PLEKHG1: variants seen among roughly 807,000 people sequenced by gnomAD.
PLEKHG1 encodes the protein pleckstrin homology and RhoGEF domain containing G1.
PLEKHG1 carries 44 observed loss-of-function variants against 100.8 expected under a neutral mutation model. The observed-to-expected ratio is 0.44, with a 90% CI of 0.34 to 0.56. PLEKHG1 has a LOEUF of 0.56. Among genes scored for constraint, PLEKHG1 ranks in the 20% least tolerant of loss-of-function variants. The probability of loss-of-function intolerance (pLI) is 0.01; values close to 1 mark genes in which losing one functional copy is unlikely to be tolerated. For synonymous variants in PLEKHG1, 640 were observed against 662.5 expected, an observed-to-expected ratio of 0.97 and a Z score of 0.52; for missense variants, 1,545 against 1,720.9, an observed-to-expected ratio of 0.90 and a Z score of 1.81.
At chr6:150,833,740 C>G (rs1031884275) in intron 15 of PLEKHG1, among the ~76,000 whole-genome samples, 3 of 152,132 alleles carry the variant, frequency 2.0e-5, no homozygotes, top group African/African-American at 4.8e-5. Flanking sequence ...TTTAAGAAAT[C>G]CTGCCCCAGA....
chr6:150,730,731 C>G (rs539470400), intron 1 of PLEKHG1, among the ~76,000 whole-genome samples: 3 of 151,898 alleles, frequency 2.0e-5, no homozygotes, highest in Non-Finnish European at 4.4e-5. Flanking sequence ...GGTGAAACCC[C>G]GTCTCTACTA....
exon 15 of PLEKHG1, chr6:150,832,164 C>G (rs750848191): frequency 6.2e-7 from 1 of 1,608,778 alleles, no homozygotes; most frequent in Non-Finnish European, 8.5e-7. Context: ...AAAGACCTGG[C>G]TGCCATCTTG....
At chr6:150,733,846 G>T in exon 2 of PLEKHG1, 1 of 1,614,216 alleles carries the variant, frequency 6.2e-7, no homozygotes, top group Non-Finnish European at 8.5e-7. Flanking sequence ...TAAAACTGGA[G>T]CTGATTCCTG....
chr6:150,702,726 A>C (rs1055450083), intron 3 of PLEKHG1, among the ~76,000 whole-genome samples: 5 of 152,328 alleles, frequency 3.3e-5, no homozygotes, highest in African/African-American at 1.2e-4. Flanking sequence ...CTGTTGGGGA[A>C]ATAATAACCC....
intron 2 of PLEKHG1, among the ~76,000 whole-genome samples, chr6:150,647,620 G>T (rs1382065306): frequency 1.3e-5 from 2 of 152,104 alleles, no homozygotes; most frequent in African/African-American, 4.8e-5. Flanking sequence ...TCAGTGAAGT[G>T]CAGTCAGCAT....
intron 1 of PLEKHG1, among the ~76,000 whole-genome samples, chr6:150,636,367 C>T (rs946754276): frequency 6.6e-6 from 1 of 152,018 alleles, no homozygotes; most frequent in African/African-American, 2.4e-5. Flanking sequence ...AGCATTGTGT[C>T]TTTTGAGCCG....
chr6:150,717,422 C>T (rs1781486168), upstream of PLEKHG1, among the ~76,000 whole-genome samples: 1 of 152,118 alleles, frequency 6.6e-6, no homozygotes, highest in Admixed American at 6.5e-5. Flanking sequence ...GTGATCCTTC[C>T]TTCCATCTCA....
chr6:150,682,949 C>G (rs1346495842), intron 3 of PLEKHG1, among the ~76,000 whole-genome samples: 1 of 152,210 alleles, frequency 6.6e-6, no homozygotes, highest in East Asian at 1.9e-4. Flanking sequence ...CACCCTTACC[C>G]CAAGACTCCT....
intron 1 of PLEKHG1, among the ~76,000 whole-genome samples, chr6:150,618,536 G>T (rs190307308): frequency 1.3e-5 from 2 of 152,302 alleles, no homozygotes; most frequent in East Asian, 3.9e-4. Flanking sequence ...GTATTGCACC[G>T]TTTGTCTAGT....
At chr6:150,727,322 C>T (rs1414404425) in intron 1 of PLEKHG1, among the ~76,000 whole-genome samples, 1 of 152,186 alleles carries the variant, frequency 6.6e-6, no homozygotes, top group African/African-American at 2.4e-5. Context: ...TGTCCCCGTT[C>T]TCCATGTAAA....
upstream of PLEKHG1, among the ~76,000 whole-genome samples, chr6:150,718,890 CA>C (rs111800365): frequency 0.37 from 52,756 of 143,810 alleles, 9,692 homozygotes; most frequent in South Asian, 0.44. Flanking sequence ...AATATAAAGG[CA>C]AAAAAAAAAA....
At chr6:150,821,839 T>A (rs1301352118) in intron 13 of PLEKHG1, among the ~76,000 whole-genome samples, 1 of 151,172 alleles carries the variant, frequency 6.6e-6, no homozygotes, top group African/African-American at 2.4e-5. Flanking sequence ...TTTATTTTTT[T>A]TTTTATTTTT....
intron 3 of PLEKHG1, among the ~76,000 whole-genome samples, chr6:150,673,460 T>C (rs919992881): frequency 5.3e-5 from 8 of 152,204 alleles, no homozygotes; most frequent in African/African-American, 1.9e-4. Context: ...CAATGCTTGC[T>C]TTCGAATCCT....
exon 16 of PLEKHG1, chr6:150,840,334 C>A: frequency 6.2e-7 from 1 of 1,614,102 alleles, no homozygotes; most frequent in Middle Eastern, 1.6e-4. Context: ...ATCAACTACC[C>A]TAGTGATGTG....
intron 3 of PLEKHG1, among the ~76,000 whole-genome samples, chr6:150,672,891 C>T (rs1347664460): frequency 2.6e-5 from 4 of 152,188 alleles, no homozygotes; most frequent in South Asian, 4.1e-4. Context: ...AATAATTCAG[C>T]ATTTTCTACT....
chr6:150,649,188 A>T lies in PLEKHG1; in HGVS notation c.-157-1540A>T, dbSNP rs368781012. Among the ~76,000 whole-genome samples, 6 of 152,366 alleles carry T rather than the reference A, an allele frequency of 3.9e-5. No homozygotes were observed. In the East Asian group the frequency reaches 5.8e-4, roughly 15 times the overall value. The stretch of plus-strand genomic sequence containing the variant: ...TGCATTGTTTTTACTCCTCCTATGC[A>T]GAATAAAATTAGCTAATTTTCATTA... On this transcript the variant is annotated intron_variant, in intron 2 of 3. Coordinates refer to the PLEKHG1 transcript ENST00000367326.
intron 3 of PLEKHG1, among the ~76,000 whole-genome samples, chr6:150,772,784 C>T (rs1297674792): frequency 5.9e-5 from 9 of 152,134 alleles, no homozygotes; most frequent in Non-Finnish European, 7.3e-5. Context: ...TTGCCAATTG[C>T]GTTAAGATTG....
At chr6:150,808,793 C>T (rs1265942798) in intron 7 of PLEKHG1, among the ~76,000 whole-genome samples, 1 of 151,834 alleles carries the variant, frequency 6.6e-6, no homozygotes, top group African/African-American at 2.4e-5. Flanking sequence ...GGAAAGAGGC[C>T]ATACTGGTGG....
chr6:150,688,692 G>T (rs1647226140), intron 3 of PLEKHG1, among the ~76,000 whole-genome samples: 1 of 152,046 alleles, frequency 6.6e-6, no homozygotes, highest in African/African-American at 2.4e-5. Flanking sequence ...ACAAATTTCT[G>T]TAACAATATT....
Sources: allele counts gnomAD v4.1 joint callset (sites outside exome capture counted in the v4.1 genomes callset), GRCh38; gene constraint gnomAD v4.1.1; transcripts MANE v1.5; gene names NCBI Gene and HGNC (gene_info 2026-07-23, HGNC 2026-07-21).